ARHGAP15: variants seen among roughly 807,000 people sequenced by gnomAD.
The protein encoded by ARHGAP15 is rho GTPase-activating protein 15.
A neutral mutation model predicts 63.7 loss-of-function variants in ARHGAP15; 51 were observed. That is an observed-to-expected ratio of 0.80 (90% CI 0.64 to 1.01). The LOEUF is 1.01. ARHGAP15 is among the 50% of genes least tolerant of loss of function. The pLI, the probability that ARHGAP15 is intolerant of heterozygous loss-of-function variation, is 0.00. For missense variants in ARHGAP15, 560 were observed against 564.6 expected (o/e 0.99, Z 0.08); for synonymous variants, 191 against 193.8 (o/e 0.99, Z 0.12).
At chr2:143,483,319 G>A (rs904767329) in intron 8 of ARHGAP15, among the ~76,000 whole-genome samples, 2 of 151,970 alleles carry the variant, frequency 1.3e-5, no homozygotes, top group Non-Finnish European at 2.9e-5. Flanking sequence ...TACGTCATGT[G>A]TGTATATTTT....
rs975819052 is a variant in ARHGAP15 at position 143,703,361 on chromosome 2, A to G, written c.1139-58A>G. The G allele has an allele frequency of 3.5e-5, 50 of 1,438,382 alleles. No homozygotes were observed. In the African/African-American group the frequency reaches 4.9e-4, roughly 14 times the overall value. The allele number at this position is 1,438,382 out of a possible 1,614,324, so 89.1% of individuals were successfully genotyped here. On this transcript the variant is annotated intron_variant, in intron 12 of 13. Coordinates refer to ENST00000295095, the MANE Select transcript of ARHGAP15 (RefSeq NM_018460.4). ...TTTTCTCAAGAAAATTTTCTCATGTACCTGTACCTATGAAATCTTGTTTTT... is the reference window on the plus strand; with the variant it reads ...TTTTCTCAAGAAAATTTTCTCATGTGCCTGTACCTATGAAATCTTGTTTTT...
At chr2:143,401,844 AAACTT>A (rs1300380130) in intron 6 of ARHGAP15, among the ~76,000 whole-genome samples, 1 of 152,040 alleles carries the variant, frequency 6.6e-6, no homozygotes, top group Non-Finnish European at 1.5e-5. Context: ...CAGTTAAACT[AAACTT>A]TTTAGAACGA....
At chr2:143,728,112 C>T (rs1388100852) in intron 13 of ARHGAP15, among the ~76,000 whole-genome samples, 2 of 152,232 alleles carry the variant, frequency 1.3e-5, no homozygotes, top group African/African-American at 4.8e-5. Context: ...TTTATGTTCT[C>T]ACACTTCTGG....
At chr2:143,758,820 G>A (rs1250006809) in intron 13 of ARHGAP15, among the ~76,000 whole-genome samples, 1 of 152,134 alleles carries the variant, frequency 6.6e-6, no homozygotes, top group African/African-American at 2.4e-5. Context: ...GTTACCACTT[G>A]GGAACTTGAC....
At chr2:143,573,091 G>T (rs1372392619) in intron 11 of ARHGAP15, among the ~76,000 whole-genome samples, 3 of 152,114 alleles carry the variant, frequency 2.0e-5, no homozygotes, top group African/African-American at 7.2e-5. Flanking sequence ...GCTAACTACA[G>T]TGCAGCTTCA....
intron 6 of ARHGAP15, among the ~76,000 whole-genome samples, chr2:143,317,118 G>C (rs538233865): frequency 6.6e-6 from 1 of 152,016 alleles, no homozygotes; most frequent in Non-Finnish European, 1.5e-5. Flanking sequence ...GTAAGCAATT[G>C]TGTCATATTA....
chr2:143,314,844 G>A (rs11891943), intron 6 of ARHGAP15, among the ~76,000 whole-genome samples: 2,923 of 149,016 alleles, frequency 0.02, 99 homozygotes, highest in African/African-American at 0.071. Flanking sequence ...ACATCACAAC[G>A]CAATTTCACT....
chr2:143,479,027 C>T (rs934772846), intron 8 of ARHGAP15, among the ~76,000 whole-genome samples: 2 of 152,156 alleles, frequency 1.3e-5, no homozygotes, highest in African/African-American at 2.4e-5. Context: ...TCTATACCTG[C>T]TGAGAATGTA....
At chr2:143,416,818 A>C (rs10164594) in intron 6 of ARHGAP15, among the ~76,000 whole-genome samples, 69,914 of 95,088 alleles carry the variant, frequency 0.74, 23,063 homozygotes, top group Admixed American at 0.8. Flanking sequence ...CACTTCCCCC[A>C]CCACCCCCCC....
chr2:143,219,061 T>C (rs942575693), intron 4 of ARHGAP15, among the ~76,000 whole-genome samples: 7 of 152,222 alleles, frequency 4.6e-5, no homozygotes, highest in African/African-American at 1.7e-4. Context: ...TTCTTCCAAT[T>C]GCTGGCCACT....
intron 11 of ARHGAP15, among the ~76,000 whole-genome samples, chr2:143,577,894 T>A (rs1055381419): frequency 6.6e-6 from 1 of 152,146 alleles, no homozygotes; most frequent in Non-Finnish European, 1.5e-5. Flanking sequence ...AGATGCTCTC[T>A]ACAACGAGTA....
intron 13 of ARHGAP15, among the ~76,000 whole-genome samples, chr2:143,746,349 C>G (rs181412788): frequency 4.6e-5 from 7 of 152,110 alleles, no homozygotes; most frequent in Admixed American, 4.6e-4. Flanking sequence ...ATTATATCCT[C>G]CAGTCATCCT....
intron 12 of ARHGAP15, among the ~76,000 whole-genome samples, chr2:143,662,883 T>C (rs1411919881): frequency 1.1e-4 from 16 of 142,402 alleles, no homozygotes; most frequent in Non-Finnish European, 1.7e-4. Flanking sequence ...TAAAAAGAAA[T>C]GAGCAAAGCC....
rs911169308 is a variant in ARHGAP15 at position 143,377,878 on chromosome 2, T to C, written c.475-57723T>C. Among the ~76,000 whole-genome samples, 33 of 152,080 alleles carry C rather than the reference T, an allele frequency of 2.2e-4. 1 individual carries two copies. The highest frequency in any genetic ancestry group is 2.9e-5 in the Non-Finnish European group (2 of 67,916). On this transcript the variant is annotated intron_variant, in intron 6 of 13. Transcript: ENST00000295095. ...TGTTTATAAATAGGCTTTTTTTATA[T>C]GTACTTTACATCTCTCTCTGATTTA...
At chr2:143,143,565 T>C (rs1689460283) in intron 1 of ARHGAP15, among the ~76,000 whole-genome samples, 1 of 135,492 alleles carries the variant, frequency 7.4e-6, no homozygotes, top group African/African-American at 2.8e-5. Context: ...GCTATTTTCT[T>C]TCTTTTTTTT....
chr2:143,235,886 G>T, intron 5 of ARHGAP15: 1 of 1,495,996 alleles, frequency 6.7e-7, no homozygotes, highest in South Asian at 1.3e-5. Context: ...TATTTCAATT[G>T]ACTCTAGCAC....
chr2:143,269,017 G>A (rs1289430897), intron 6 of ARHGAP15, among the ~76,000 whole-genome samples: 1 of 152,026 alleles, frequency 6.6e-6, no homozygotes, highest in Non-Finnish European at 1.5e-5. Context: ...TGTTTAAAAC[G>A]CTGTGTGTTT....
intron 2 of ARHGAP15, among the ~76,000 whole-genome samples, chr2:143,180,392 C>A (rs1691187643): frequency 6.6e-6 from 1 of 152,210 alleles, no homozygotes; most frequent in African/African-American, 2.4e-5. Context: ...CATCCTCAGG[C>A]TCCACTTCTT....
At position 143,152,659 on chromosome 2, in the gene ARHGAP15, C is replaced by T. The variant is rs1343374431; in HGVS notation, c.-14-2818C>T. On this transcript the variant is annotated intron_variant, in intron 1 of 13. Coordinates refer to ENST00000295095, the MANE Select transcript of ARHGAP15 (RefSeq NM_018460.4). Reference sequence around the variant, plus strand: ...AGACGAGGTTTTGTGTCATTTTTCTCTATCTTCCCAGAGCAATATAGTGGT... The same window carrying T: ...AGACGAGGTTTTGTGTCATTTTTCTTTATCTTCCCAGAGCAATATAGTGGT... Among the ~76,000 whole-genome samples, 4 of 152,066 alleles carry T rather than the reference C, an allele frequency of 2.6e-5. No homozygotes were observed. In the East Asian group the frequency reaches 7.8e-4, roughly 30 times the overall value.
Sources: gnomAD v4.1 joint callset for allele counts (sites outside exome capture counted in the v4.1 genomes callset) on GRCh38, gnomAD v4.1.1 for gene constraint, MANE v1.5 for transcripts, NCBI Gene and HGNC (gene_info 2026-07-23, HGNC 2026-07-21) for gene names.